Variants in ZNF362 observed in about 807,000 individuals in gnomAD.
ZNF362 encodes zinc finger protein 362.
A neutral mutation model predicts 42.9 loss-of-function variants in ZNF362; 11 were observed. The observed-to-expected ratio is 0.26, with a 90% CI of 0.16 to 0.42. ZNF362 has a LOEUF of 0.42. Among genes scored for constraint, ZNF362 ranks in the 20% least tolerant of loss-of-function variants. The pLI, the probability that ZNF362 is intolerant of heterozygous loss-of-function variation, is 1.00. For synonymous variants in ZNF362, 255 were observed against 257.3 expected, an observed-to-expected ratio of 0.99 and a Z score of 0.09; for missense variants, 362 against 576.2, an observed-to-expected ratio of 0.63 and a Z score of 3.81.
chr1:33,288,382 G>C (rs1329488300), intron 6 of ZNF362, among the ~76,000 whole-genome samples: 1 of 152,174 alleles, frequency 6.6e-6, no homozygotes, highest in East Asian at 1.9e-4. Flanking sequence ...ACAGTGGGGG[G>C]TGAAGTGGGG....
At chr1:33,297,513 C>CTTT (rs55931056) in intron 8 of ZNF362, among the ~76,000 whole-genome samples, 4 of 121,062 alleles carry the variant, frequency 3.3e-5, no homozygotes, top group Non-Finnish European at 4.8e-5. Context: ...CATGATTCCT[C>CTTT]TTTTTTTTTT....
chr1:33,207,072 G>A, the ZNF362 span, among the ~76,000 whole-genome samples: 1 of 152,002 alleles, frequency 6.6e-6, no homozygotes. Flanking sequence ...TTTACATTAG[G>A]TATTTCTCCT....
At chr1:33,150,755 G>A in the ZNF362 span, among the ~76,000 whole-genome samples, 1 of 152,254 alleles carries the variant, frequency 6.6e-6, no homozygotes, top group East Asian at 1.9e-4. Context: ...GGGAGCTGTA[G>A]GAGGAGTGTG....
intron 8 of ZNF362, among the ~76,000 whole-genome samples, chr1:33,297,880 T>C: frequency 6.6e-6 from 1 of 152,232 alleles, no homozygotes; most frequent in South Asian, 2.1e-4. Flanking sequence ...GTAGATCTTT[T>C]AATCTCTAGG....
At chr1:33,205,994 T>C in the ZNF362 span, among the ~76,000 whole-genome samples, 1 of 152,168 alleles carries the variant, frequency 6.6e-6, no homozygotes, top group Admixed American at 6.5e-5. Context: ...GACCCGTGTT[T>C]ATATAGTCAA....
At chr1:33,251,657 C>T (rs1403836443), upstream of ZNF362, among the ~76,000 whole-genome samples, 1 of 152,176 alleles carries the variant, frequency 6.6e-6, no homozygotes, top group Non-Finnish European at 1.5e-5. Context: ...TGTCACTTCA[C>T]AGCTCCCCTC....
rs567610186 is a variant in ZNF362, at chr1:33,292,000, A to G, written c.909-2937A>G. ...GATGGGGTTTTCTAGATATACAGTC[A>G]TGTCATCTGCAAACAGGGACAATTT... On this transcript the variant is annotated intron_variant, in intron 6 of 8. Transcript: ENST00000539719. 3.5e-3 allele frequency among the ~76,000 whole-genome samples: 528 copies of G among 152,348 alleles called. 2 individuals are homozygous for G. Among genetic ancestry groups the G allele is most frequent in the Non-Finnish European group, 6.2e-3 (420 of 68,032 alleles).
chr1:33,176,407 C>G, the ZNF362 span: 2 of 696,420 alleles, frequency 2.9e-6, no homozygotes, highest in Admixed American at 2.0e-5. Flanking sequence ...ACCCTGCCTA[C>G]CAGGGCTTGC....
At chr1:33,137,001 A>G in the ZNF362 span, among the ~76,000 whole-genome samples, 1 of 151,786 alleles carries the variant, frequency 6.6e-6, no homozygotes, top group Non-Finnish European at 1.5e-5. Flanking sequence ...AGTCTCCAAA[A>G]AAAAAAAAAG....
intron 4 of ZNF362, among the ~76,000 whole-genome samples, chr1:33,278,255 A>T (rs942425790): frequency 6.6e-6 from 1 of 152,070 alleles, no homozygotes; most frequent in Non-Finnish European, 1.5e-5. Flanking sequence ...TGGCTTTTCA[A>T]TGTTCATGTG....
chr1:33,134,483 A>T, the ZNF362 span, among the ~76,000 whole-genome samples: 3 of 152,154 alleles, frequency 2.0e-5, no homozygotes, highest in Admixed American at 1.3e-4. Context: ...TTGGAAAAGG[A>T]GTAAATGGAG....
Position 33,299,032 on chromosome 1 carries a change from ATC to A in ZNF362, c.1256_1257del (p.Leu419HisfsTer108), listed in dbSNP as rs772564816. The A allele has an allele frequency of 6.2e-7, 1 of 1,609,386 alleles. No homozygotes were observed. The highest frequency in any genetic ancestry group is 8.5e-7 in the Non-Finnish European group (1 of 1,179,882). On this transcript the variant is annotated frameshift_variant, in exon 9 of 9. Coordinates refer to ENST00000539719, the MANE Select transcript of ZNF362 (RefSeq NM_152493.3). LOFTEE classifies it high-confidence loss of function. ...RTESPGIPVRISLI is the reference protein window; with the variant it reads ...RTESPGIPVRXSLI ...GGAGTCCCCCGGCATCCCGGTGCGA[ATC>A]TCTCTCATCTGAGCCCACTGGAGGC...
At chr1:33,260,005 G>A (rs1645818671) in intron 1 of ZNF362, among the ~76,000 whole-genome samples, 1 of 152,192 alleles carries the variant, frequency 6.6e-6, no homozygotes. Flanking sequence ...GTGATATCAA[G>A]ACAGTGTATG....
the ZNF362 span, among the ~76,000 whole-genome samples, chr1:33,237,684 C>T: frequency 6.6e-6 from 1 of 152,160 alleles, no homozygotes; most frequent in African/African-American, 2.4e-5. Flanking sequence ...GCTGGATGTA[C>T]ATCAGACCCA....
At chr1:33,259,810 G>C (rs1645817565) in intron 1 of ZNF362, among the ~76,000 whole-genome samples, 1 of 152,242 alleles carries the variant, frequency 6.6e-6, no homozygotes, top group African/African-American at 2.4e-5. Context: ...CTCAGAGAAT[G>C]GAAAGCTTGA....
chr1:33,210,738 A>G, the ZNF362 span, among the ~76,000 whole-genome samples: 1 of 152,084 alleles, frequency 6.6e-6, no homozygotes, highest in Admixed American at 6.6e-5. Flanking sequence ...TCAGAGACCC[A>G]GGATTGCAAC....
chr1:33,177,679 GA>G, the ZNF362 span, among the ~76,000 whole-genome samples: 1 of 152,106 alleles, frequency 6.6e-6, no homozygotes, highest in South Asian at 2.1e-4. This position sits in a 1 kb window ranked among gnomAD's most constrained non-coding sequence, Gnocchi z 4.1. Context: ...GGGGTGGGTG[GA>G]GTTTGCTACT....
the ZNF362 span, among the ~76,000 whole-genome samples, chr1:33,155,098 G>T: frequency 3.2e-4 from 45 of 140,338 alleles, no homozygotes; most frequent in African/African-American, 1.1e-3. Context: ...ATCTCAAAAG[G>T]TCTCGCTCTG....
At chr1:33,240,150 G>A in the ZNF362 span, among the ~76,000 whole-genome samples, 266 of 152,224 alleles carry the variant, frequency 1.7e-3, 1 homozygote, top group African/African-American at 5.9e-3. Flanking sequence ...TAGTGACAAA[G>A]GGAAACATGT....
Sources: allele counts gnomAD v4.1 joint callset (sites outside exome capture counted in the v4.1 genomes callset), GRCh38; gene constraint gnomAD v4.1.1; non-coding constraint Gnocchi (gnomAD v3.1); transcripts MANE v1.5; gene names NCBI Gene and HGNC (gene_info 2026-07-23, HGNC 2026-07-21).